The following SOX5 variants were observed in gnomAD, a reference collection of about 807,000 sequenced individuals.
The protein encoded by SOX5 is SRY-box transcription factor 5, also known as transcription factor SOX-5.
A neutral mutation model predicts 92.0 loss-of-function variants in SOX5; 9 were observed. The ratio of observed to expected loss-of-function variants is 0.10; its 90% CI spans 0.06 to 0.17. The LOEUF is 0.17. Ranked by LOEUF, SOX5 falls within the 10% of genes least tolerant of loss-of-function variation. The pLI is 1.00. For missense variants in SOX5, 642 were observed against 944.5 expected, an observed-to-expected ratio of 0.68 and a Z score of 4.20; for synonymous variants, 344 against 336.3, an observed-to-expected ratio of 1.02 and a Z score of -0.25.
chr12:23,659,991 A>G (rs1480223916), intron 7 of SOX5, among the ~76,000 whole-genome samples: 1 of 152,048 alleles, frequency 6.6e-6, no homozygotes, highest in African/African-American at 2.4e-5. Flanking sequence ...AAAAGTTTAA[A>G]ACTTGGTGAT....
At position 24,113,493 on chromosome 12, in the gene SOX5, C is replaced by T. The variant is rs541927615; in HGVS notation, c.-2+99850G>A. On this transcript the variant is annotated intron_variant, in intron 4 of 4. Coordinates refer to the SOX5 transcript ENST00000446891. ...ATAAATGGTAGAAAGGCCTTTGGCT[C>T]AAATAATCATAAACAATATAAAACC... is the stretch of plus-strand genomic sequence containing the variant. Among the ~76,000 whole-genome samples the T allele has an allele frequency of 9.2e-5, 14 of 152,144 alleles. 1 individual carries two copies. In the South Asian group the frequency reaches 2.7e-3, roughly 29 times the overall value.
chr12:23,872,142 C>A (rs1400294654), intron 2 of SOX5, among the ~76,000 whole-genome samples: 1 of 145,888 alleles, frequency 6.9e-6, no homozygotes, highest in South Asian at 2.2e-4. Flanking sequence ...GGACTACAGG[C>A]GCCCGCCACC....
intron 1 of SOX5, among the ~76,000 whole-genome samples, chr12:24,442,202 A>G (rs536991508): frequency 6.6e-6 from 1 of 152,312 alleles, no homozygotes; most frequent in East Asian, 1.9e-4. Context: ...CTAGAACGCA[A>G]TCCTAACTCA....
chr12:24,278,667 C>T (rs1393360200), intron 2 of SOX5, among the ~76,000 whole-genome samples: 1 of 152,020 alleles, frequency 6.6e-6, no homozygotes, highest in African/African-American at 2.4e-5. Flanking sequence ...GCTGTGGTTG[C>T]GTCACTGCAC....
chr12:23,935,326 C>G (rs886475219), intron 1 of SOX5, among the ~76,000 whole-genome samples: 1 of 151,166 alleles, frequency 6.6e-6, no homozygotes, highest in Non-Finnish European at 1.5e-5. Flanking sequence ...AATTCATCAT[C>G]AACTTTTCTA....
chr12:24,500,904 T>C (rs894971496), intron 1 of SOX5, among the ~76,000 whole-genome samples: 8 of 152,174 alleles, frequency 5.3e-5, no homozygotes, highest in Admixed American at 4.6e-4. Flanking sequence ...TGGTTATCTA[T>C]TTTCTAGAAA....
chr12:24,228,826 T>A (rs1962695667), intron 3 of SOX5, among the ~76,000 whole-genome samples: 1 of 152,214 alleles, frequency 6.6e-6, no homozygotes, highest in Non-Finnish European at 1.5e-5. Flanking sequence ...CACTGGCTGC[T>A]GGCCTGCTGC....
At chr12:24,434,243 A>G (rs779012525) in intron 1 of SOX5, among the ~76,000 whole-genome samples, 2 of 152,166 alleles carry the variant, frequency 1.3e-5, no homozygotes, top group Non-Finnish European at 2.9e-5. Context: ...AGAGAAACTG[A>G]GGGAATGATT....
intron 3 of SOX5, among the ~76,000 whole-genome samples, chr12:23,817,488 T>G (rs1418951548): frequency 6.6e-6 from 1 of 152,178 alleles, no homozygotes; most frequent in Admixed American, 6.5e-5. Flanking sequence ...CAGAAATGAA[T>G]AGTTTGAAAA....
chr12:24,361,877 A>G (rs1471440924), intron 2 of SOX5, among the ~76,000 whole-genome samples: 1 of 152,192 alleles, frequency 6.6e-6, no homozygotes, highest in Non-Finnish European at 1.5e-5. Flanking sequence ...AGCAGCAACA[A>G]GGTAGAATAG....
intron 3 of SOX5, among the ~76,000 whole-genome samples, chr12:24,226,017 G>T (rs920755252): frequency 3.3e-5 from 5 of 152,128 alleles, no homozygotes; most frequent in African/African-American, 1.2e-4. Context: ...TCTCTTAAGT[G>T]CTTCCCCCTT....
rs374784200 is a variant in SOX5 at position 23,949,606 on chromosome 12, G to C, written c.-5C>G. 508 of 1,613,744 alleles carry C rather than the reference G, an allele frequency of 3.1e-4. 5 individuals are homozygous for C. In the South Asian group the frequency reaches 3.5e-3, roughly 11 times the overall value. ...TAAATCAGGGTCAGTAAGCATGCTGGAAAAGCACAATTTCCCTTTGTCACA... is the reference window on the plus strand; with the variant it reads ...TAAATCAGGGTCAGTAAGCATGCTGCAAAAGCACAATTTCCCTTTGTCACA... On this transcript the variant is annotated 5_prime_UTR_variant, in exon 1 of 15. Transcript: ENST00000451604.
intron 4 of SOX5, among the ~76,000 whole-genome samples, chr12:24,085,923 A>G (rs1190026368): frequency 2.6e-5 from 4 of 151,862 alleles, no homozygotes; most frequent in East Asian, 2.0e-4. Flanking sequence ...GATAAACATC[A>G]TAAGTTGTCC....
chr12:24,137,332 A>G (rs893480038), intron 4 of SOX5, among the ~76,000 whole-genome samples: 5 of 152,088 alleles, frequency 3.3e-5, no homozygotes, highest in African/African-American at 1.2e-4. Flanking sequence ...CCCTTTGCTG[A>G]GCTGTGAAAC....
chr12:23,686,222 A>G (rs1012225310), intron 6 of SOX5, among the ~76,000 whole-genome samples: 15 of 152,202 alleles, frequency 9.9e-5, no homozygotes, highest in African/African-American at 3.1e-4. Flanking sequence ...TATGCTAAAG[A>G]ATGAGCCAGA....
chr12:24,273,627 AC>A (rs544198871), intron 3 of SOX5, among the ~76,000 whole-genome samples: 218 of 152,184 alleles, frequency 1.4e-3, no homozygotes, highest in African/African-American at 5.2e-3. Context: ...ACCTTTTCCA[AC>A]AATCGGTTTT....
At chr12:23,686,302 A>G (rs2087572783) in intron 6 of SOX5, among the ~76,000 whole-genome samples, 1 of 152,168 alleles carries the variant, frequency 6.6e-6, no homozygotes, top group South Asian at 2.1e-4. Flanking sequence ...CTGAGGGCCA[A>G]TTTTCCAATG....
At chr12:24,249,030 G>A (rs919700753) in intron 3 of SOX5, among the ~76,000 whole-genome samples, 2 of 152,144 alleles carry the variant, frequency 1.3e-5, no homozygotes, top group African/African-American at 2.4e-5. Flanking sequence ...TGGCTTGCAC[G>A]GATATATCGA....
chr12:23,898,028 A>G (rs553380265), intron 1 of SOX5, among the ~76,000 whole-genome samples: 155 of 152,298 alleles, frequency 1.0e-3, no homozygotes, highest in African/African-American at 3.6e-3. Flanking sequence ...ATACCATATC[A>G]CACACTAAAT....
Sources: allele counts gnomAD v4.1 joint callset (sites outside exome capture counted in the v4.1 genomes callset), GRCh38; gene constraint gnomAD v4.1.1; transcripts MANE v1.5; gene names NCBI Gene and HGNC (gene_info 2026-07-23, HGNC 2026-07-21).